FGGY: variants seen among roughly 807,000 people sequenced by gnomAD.
The protein encoded by FGGY is FGGY carbohydrate kinase domain containing.
A neutral mutation model predicts 71.3 loss-of-function variants in FGGY; 72 were observed. The ratio of observed to expected loss-of-function variants is 1.01; its 90% CI spans 0.84 to 1.23. FGGY has a LOEUF of 1.23. FGGY is among the 50% of genes most tolerant of loss of function. FGGY has a pLI of 0.00. For synonymous variants in FGGY, 251 were observed against 250.3 expected, an observed-to-expected ratio of 1.00 and a Z score of -0.02; for missense variants, 668 against 682.3, an observed-to-expected ratio of 0.98 and a Z score of 0.23.
In FGGY at chr1:59,629,394, T is replaced by G. The variant is rs554264547; in HGVS notation, c.1073+3345T>G. Among the ~76,000 whole-genome samples, 8 of 152,250 alleles carry G rather than the reference T, an allele frequency of 5.3e-5. No individual in the cohort carries two copies. In the East Asian group the frequency reaches 1.5e-3, roughly 29 times the overall value. ...AGGCTGTGTAGAAAAGGAGGACTGATTTTGACAAGGAGTTTAAGAAAAGCT... is the reference window on the plus strand; with the variant it reads ...AGGCTGTGTAGAAAAGGAGGACTGAGTTTGACAAGGAGTTTAAGAAAAGCT... On this transcript the variant is annotated intron_variant, in intron 10 of 15. Transcript: ENST00000303721.
intron 14 of FGGY, among the ~76,000 whole-genome samples, chr1:59,722,667 T>A (rs1232610191): frequency 6.6e-6 from 1 of 152,254 alleles, no homozygotes; most frequent in African/African-American, 2.4e-5. Context: ...ATTGTGTGTC[T>A]TGTGAGGTTT....
intron 6 of FGGY, among the ~76,000 whole-genome samples, chr1:59,486,644 T>C (rs1353094183): frequency 6.6e-6 from 1 of 152,146 alleles, no homozygotes; most frequent in African/African-American, 2.4e-5. Flanking sequence ...TGGGATGCTT[T>C]CCCAGCCTTT....
chr1:59,522,150 T>C (rs566239876), intron 7 of FGGY, among the ~76,000 whole-genome samples: 1 of 152,358 alleles, frequency 6.6e-6, no homozygotes, highest in Non-Finnish European at 1.5e-5. Flanking sequence ...TTTTGGACTT[T>C]AACATACAAG....
intron 5 of FGGY, among the ~76,000 whole-genome samples, chr1:59,403,667 T>C (rs17119402): frequency 0.035 from 5,394 of 152,264 alleles, 284 homozygotes; most frequent in African/African-American, 0.12. Flanking sequence ...CCACAAAGCG[T>C]TGGGCACGTG....
At chr1:59,503,364 A>C (rs1323984725) in intron 6 of FGGY, among the ~76,000 whole-genome samples, 1 of 151,918 alleles carries the variant, frequency 6.6e-6, no homozygotes, top group Admixed American at 6.6e-5. Context: ...TAAAATACAA[A>C]TTATGTACAG....
rs577202551 is a variant in FGGY at position 59,491,893 on chromosome 1, T to G, written c.671-20418T>G. 2.0e-5 allele frequency among the ~76,000 whole-genome samples: 3 copies of G among 152,322 alleles called. No homozygotes were observed. The East Asian group carries it at 5.8e-4, about 29-fold the overall frequency. On this transcript the variant is annotated intron_variant, in intron 6 of 15. Transcript: ENST00000303721. ...CTTAAAACTTCAAAATTTTTCTGTATGTACTTTCCATCTTGTAAAGTTATA... is the reference window on the plus strand; with the variant it reads ...CTTAAAACTTCAAAATTTTTCTGTAGGTACTTTCCATCTTGTAAAGTTATA...
chr1:59,323,941 T>C (rs1403922322), intron 2 of FGGY, among the ~76,000 whole-genome samples: 1 of 152,128 alleles, frequency 6.6e-6, no homozygotes, highest in Non-Finnish European at 1.5e-5. Context: ...GGAATATTCA[T>C]TCACTCTCCT....
intron 4 of FGGY, among the ~76,000 whole-genome samples, chr1:59,365,058 G>A (rs764056014): frequency 5.9e-5 from 9 of 152,186 alleles, no homozygotes; most frequent in South Asian, 2.1e-4. Flanking sequence ...TGTCTTGGAC[G>A]TGTTGAGTTG....
intron 2 of FGGY, among the ~76,000 whole-genome samples, chr1:59,335,117 A>G (rs1326138874): frequency 1.3e-5 from 2 of 152,184 alleles, no homozygotes; most frequent in East Asian, 3.8e-4. Context: ...CAGCCATTGT[A>G]AATGTATAAT....
At chr1:59,647,058 G>A (rs575252619) in intron 11 of FGGY, among the ~76,000 whole-genome samples, 2 of 152,250 alleles carry the variant, frequency 1.3e-5, no homozygotes, top group African/African-American at 4.8e-5. Context: ...GGGCAGGAGT[G>A]TTTCCCAAGG....
intron 4 of FGGY, among the ~76,000 whole-genome samples, chr1:59,367,802 A>G (rs1003646393): frequency 1.3e-5 from 2 of 152,182 alleles, no homozygotes; most frequent in Non-Finnish European, 2.9e-5. Flanking sequence ...AATCTTGGAC[A>G]TACTGCCCTA....
At chr1:59,343,277 A>T (rs2051079454) in intron 3 of FGGY, among the ~76,000 whole-genome samples, 1 of 152,222 alleles carries the variant, frequency 6.6e-6, no homozygotes, top group Non-Finnish European at 1.5e-5. Flanking sequence ...CCCTTAGGTA[A>T]AGTGAGGTAG....
chr1:59,662,319 CA>C (rs372754171), intron 12 of FGGY, among the ~76,000 whole-genome samples: 1,413 of 101,100 alleles, frequency 0.014, 17 homozygotes, highest in African/African-American at 0.047. Context: ...GACTCCATCT[CA>C]AAAAAAAAAA....
intron 8 of FGGY, among the ~76,000 whole-genome samples, chr1:59,606,020 T>C (rs1357117822): frequency 6.6e-6 from 1 of 152,196 alleles, no homozygotes; most frequent in Non-Finnish European, 1.5e-5. Flanking sequence ...TACTGCTGAA[T>C]AGATGAGAAA....
chr1:59,548,661 G>C (rs2095562467), intron 7 of FGGY, among the ~76,000 whole-genome samples: 1 of 152,172 alleles, frequency 6.6e-6, no homozygotes, highest in Non-Finnish European at 1.5e-5. Flanking sequence ...ATATCCACTA[G>C]CTATATGTTG....
intron 14 of FGGY, among the ~76,000 whole-genome samples, chr1:59,748,325 A>T (rs1287380704): frequency 2.6e-5 from 4 of 152,160 alleles, no homozygotes; most frequent in African/African-American, 9.7e-5. Flanking sequence ...AAAGAAAATG[A>T]GATGATGTCA....
intron 5 of FGGY, among the ~76,000 whole-genome samples, chr1:59,396,219 CCT>C (rs540851901): frequency 3.9e-5 from 6 of 152,102 alleles, no homozygotes; most frequent in Non-Finnish European, 7.4e-5. Flanking sequence ...GAATTTTACC[CCT>C]GATTTTTGCT....
intron 10 of FGGY, among the ~76,000 whole-genome samples, chr1:59,633,053 C>T (rs570558971): frequency 6.6e-6 from 1 of 150,650 alleles, no homozygotes; most frequent in South Asian, 2.1e-4. Context: ...CACTTTCACC[C>T]AGGCTGGAGT....
chr1:59,634,033 C>T (rs1247124904), intron 10 of FGGY, among the ~76,000 whole-genome samples: 1 of 152,070 alleles, frequency 6.6e-6, no homozygotes, highest in East Asian at 1.9e-4. Flanking sequence ...GCATTAACAA[C>T]AAAGAGGGTA....
Sources: gnomAD v4.1 joint callset for allele counts (sites outside exome capture counted in the v4.1 genomes callset) on GRCh38, gnomAD v4.1.1 for gene constraint, MANE v1.5 for transcripts, NCBI Gene and HGNC (gene_info 2026-07-23, HGNC 2026-07-21) for gene names.